CAMTA1: variants seen among roughly 807,000 people sequenced by gnomAD.
CAMTA1 encodes the protein calmodulin binding transcription activator 1, also known as calmodulin-binding transcription activator 1.
Under a neutral mutation model 170.9 loss-of-function variants are expected in CAMTA1, and 27 were observed. That is an observed-to-expected ratio of 0.16 (90% CI 0.12 to 0.22). The LOEUF (loss-of-function observed/expected upper bound fraction) is 0.22. Among genes scored for constraint, CAMTA1 ranks in the 10% least tolerant of loss-of-function variants. The pLI is 1.00. For missense variants in CAMTA1, 1,619 were observed against 2,217.2 expected (o/e 0.73, Z 5.42); for synonymous variants, 833 against 891.5 (o/e 0.93, Z 1.17).
At chr1:7,442,774 T>C (rs2092579731) in intron 5 of CAMTA1, among the ~76,000 whole-genome samples, 1 of 152,186 alleles carries the variant, frequency 6.6e-6, no homozygotes, top group South Asian at 2.1e-4. Context: ...TGAGGCACTT[T>C]TTATCTAGTT....
rs1389681050 is a variant in CAMTA1 at position 7,282,890 on chromosome 1, T to C, written c.438+33264T>C. On this transcript the variant is annotated intron_variant, in intron 5 of 22. Transcript: ENST00000303635. ...ACCCTTGTGTCTCGTGACATAGCCT[T>C]TTTCTGGTTTTCCAGTAGCACCAAG... Among the ~76,000 whole-genome samples the C allele has an allele frequency of 2.0e-5, 3 of 152,034 alleles. No homozygotes were observed. The East Asian group carries it at 5.8e-4, about 29-fold the overall frequency.
Position 7,680,842 on chromosome 1 carries a change from A to ACGCGCG in CAMTA1, c.2914+3123_2914+3128dup, listed in dbSNP as rs1553247058. On this transcript the variant is annotated intron_variant, in intron 11 of 22. Transcript: ENST00000303635. This position sits in a 1 kb window ranked among gnomAD's most constrained non-coding sequence, Gnocchi z 4.4. ...GGCGTGGGTCCGGGGCGCAGAGAAC[A>ACGCGCG]CGCGCGCGCGCGCGCGCGCCAGCAG... Among the ~76,000 whole-genome samples the ACGCGCG allele has an allele frequency of 6.4e-5, 9 of 141,132 alleles. No individual in the cohort carries two copies. The South Asian group carries it at 6.9e-4, about 11-fold the overall frequency. 92.6% of individuals were successfully genotyped at this position (141,132 alleles called of 152,430 possible).
At chr1:7,073,609 G>A (rs921974632) in intron 3 of CAMTA1, among the ~76,000 whole-genome samples, 1 of 152,158 alleles carries the variant, frequency 6.6e-6, no homozygotes, top group African/African-American at 2.4e-5. Context: ...CTTGTTAGAG[G>A]CTAAGTGAAG....
chr1:7,649,142 GTT>G (rs1455606187), intron 7 of CAMTA1, among the ~76,000 whole-genome samples: 2 of 152,260 alleles, frequency 1.3e-5, no homozygotes, highest in Admixed American at 6.5e-5. Context: ...GACTCTAGAA[GTT>G]TCCTTGTTTT....
chr1:7,084,876 A>T (rs539032529), intron 3 of CAMTA1, among the ~76,000 whole-genome samples: 3 of 152,390 alleles, frequency 2.0e-5, no homozygotes, highest in South Asian at 2.1e-4. Context: ...ACTACTTTTT[A>T]AAAAATTAGT....
chr1:7,462,726 G>A (rs1003123864), intron 5 of CAMTA1, among the ~76,000 whole-genome samples: 11 of 152,134 alleles, frequency 7.2e-5, no homozygotes, highest in African/African-American at 2.4e-4. Flanking sequence ...TCCTCCTGCC[G>A]CTCCTCCCCT....
chr1:7,525,788 C>T (rs554755368), intron 6 of CAMTA1, among the ~76,000 whole-genome samples: 5 of 152,260 alleles, frequency 3.3e-5, no homozygotes, highest in African/African-American at 1.2e-4. Flanking sequence ...ACTCCTTCCA[C>T]GAGCATCTAC....
chr1:7,476,850 G>A (rs12085076), intron 6 of CAMTA1, among the ~76,000 whole-genome samples: 20,778 of 152,094 alleles, frequency 0.14, 1,847 homozygotes, highest in African/African-American at 0.25. Flanking sequence ...CGAAGGCTGC[G>A]GGCAAGCACT....
chr1:7,230,468 C>T (rs904130639), intron 4 of CAMTA1, among the ~76,000 whole-genome samples: 1 of 133,384 alleles, frequency 7.5e-6, no homozygotes, highest in South Asian at 2.7e-4. Context: ...CTGTGGAAAG[C>T]GCCTTACCTG....
At chr1:7,241,807 A>T (rs962702372) in intron 4 of CAMTA1, among the ~76,000 whole-genome samples, 7 of 152,222 alleles carry the variant, frequency 4.6e-5, no homozygotes, top group Non-Finnish European at 1.0e-4. Context: ...TTCACTCAAA[A>T]TGGATCATGA....
intron 4 of CAMTA1, among the ~76,000 whole-genome samples, chr1:7,128,216 C>A (rs76839466): frequency 2.6e-5 from 4 of 152,150 alleles, no homozygotes; most frequent in Non-Finnish European, 4.4e-5. Flanking sequence ...TTCCCCCTAC[C>A]TCGCCCATGT....
chr1:6,904,942 C>A (rs1678049598), intron 3 of CAMTA1, among the ~76,000 whole-genome samples: 1 of 151,832 alleles, frequency 6.6e-6, no homozygotes, highest in African/African-American at 2.4e-5. Context: ...CGCTGTGTGT[C>A]CAAAGCCAAA....
rs1828309 is a variant in CAMTA1, at chr1:6,929,243, G to A, written c.234+104033G>A. 2.6e-5 allele frequency among the ~76,000 whole-genome samples: 4 copies of A among 152,124 alleles called. No homozygotes were observed. In the East Asian group the frequency reaches 7.7e-4, roughly 29 times the overall value. On this transcript the variant is annotated intron_variant, in intron 3 of 22. Transcript: ENST00000303635. The stretch of plus-strand genomic sequence containing the variant: ...CACTCAGGCTGGAGTGCAATGGTGC[G>A]ATCTCGGCTCACTGCAACCTCCGCC...
At chr1:7,606,579 T>C (rs1179791969) in intron 6 of CAMTA1, among the ~76,000 whole-genome samples, 2 of 152,242 alleles carry the variant, frequency 1.3e-5, no homozygotes, top group Non-Finnish European at 2.9e-5. Context: ...ACTTCCCAAC[T>C]GAGCCTGCCA....
intron 6 of CAMTA1, among the ~76,000 whole-genome samples, chr1:7,638,958 A>G (rs189161848): frequency 3.5e-4 from 53 of 152,258 alleles, no homozygotes; most frequent in Middle Eastern, 6.8e-3. Context: ...TGACTGTTAA[A>G]TGGAACTGAT....
intron 4 of CAMTA1, among the ~76,000 whole-genome samples, chr1:7,179,429 TTATGCCACAATAATATAGAATA>T (rs1357418390): frequency 6.6e-6 from 1 of 152,206 alleles, no homozygotes; most frequent in Non-Finnish European, 1.5e-5. Flanking sequence ...ATGTATACAT[TTATGCCACAATAATATAGAATA>T]TACTTTCTTC....
At chr1:6,948,965 C>T (rs1414523643) in intron 3 of CAMTA1, among the ~76,000 whole-genome samples, 1 of 152,120 alleles carries the variant, frequency 6.6e-6, no homozygotes, top group Non-Finnish European at 1.5e-5. Flanking sequence ...TGTGTTATCC[C>T]CCACTTTAGG....
chr1:7,015,613 G>T (rs547801280), intron 3 of CAMTA1, among the ~76,000 whole-genome samples: 1 of 152,362 alleles, frequency 6.6e-6, no homozygotes, highest in African/African-American at 2.4e-5. Context: ...ACTGCCACAA[G>T]TAAGGGACAG....
At chr1:7,246,390 C>T (rs576181129) in intron 4 of CAMTA1, among the ~76,000 whole-genome samples, 8 of 152,296 alleles carry the variant, frequency 5.3e-5, no homozygotes, top group African/African-American at 1.7e-4. Context: ...TGGTACCGGG[C>T]ACACAGTAAA....
Sources: gnomAD v4.1 joint callset for allele counts (sites outside exome capture counted in the v4.1 genomes callset) on GRCh38, gnomAD v4.1.1 for gene constraint, Gnocchi (gnomAD v3.1) non-coding constraint, MANE v1.5 for transcripts, NCBI Gene and HGNC (gene_info 2026-07-23, HGNC 2026-07-21) for gene names.